RSF1: variants seen among roughly 807,000 people sequenced by gnomAD.
RSF1 encodes the protein HBV pX-associated protein 8.
RSF1 carries 13 observed loss-of-function variants against 145.2 expected under a neutral mutation model. That is an observed-to-expected ratio of 0.09 (90% CI 0.06 to 0.14). The LOEUF is 0.14. Ranked by LOEUF, RSF1 falls within the 10% of genes least tolerant of loss-of-function variation. RSF1 has a pLI of 1.00. For missense variants in RSF1, 1,517 were observed against 1,718.2 expected (o/e 0.88, Z 2.07); for synonymous variants, 577 against 592.6 (o/e 0.97, Z 0.38).
chr11:77,693,687 C>A, intron 7 of RSF1, 76 bp from the exon 8 acceptor site: 1 of 947,056 alleles, frequency 1.1e-6, no homozygotes, highest in Admixed American at 2.0e-5. Flanking sequence ...GTTTCAATAT[C>A]TCTGAGTACT....
At chr11:77,759,675 A>G (rs1439390791) in intron 2 of RSF1, among the ~76,000 whole-genome samples, 23 of 152,188 alleles carry the variant, frequency 1.5e-4, no homozygotes, top group Admixed American at 1.2e-3. Flanking sequence ...CGAAAAAGCA[A>G]GACTCCATCT....
chr11:77,750,589 A>T (rs1948051610), intron 2 of RSF1, among the ~76,000 whole-genome samples: 1 of 152,212 alleles, frequency 6.6e-6, no homozygotes. Context: ...GCCAGAAATT[A>T]GCTGTGTCTA....
rs371060037 is a variant in RSF1 at position 77,698,458 on chromosome 11, A to T, written c.2715+29T>A. ...GCAACCTCACCATGTCTGTAATATGAGTATTCTTCATTTACATCAGGTACA... is the reference window on the plus strand; with the variant it reads ...GCAACCTCACCATGTCTGTAATATGTGTATTCTTCATTTACATCAGGTACA... On this transcript the variant is annotated intron_variant, in intron 7 of 15. Transcript: ENST00000308488. The T allele has an allele frequency of 1.1e-4, 183 of 1,592,204 alleles. No homozygotes were observed. The African/African-American group carries it at 2.4e-3, about 21-fold the overall frequency.
At chr11:77,768,161 C>CTTTTTTT (rs758401653) in intron 1 of RSF1, among the ~76,000 whole-genome samples, 1 of 122,786 alleles carries the variant, frequency 8.1e-6, no homozygotes, top group African/African-American at 3.2e-5. Context: ...ATATTATCAG[C>CTTTTTTT]TTTTTTTTTT....
At chr11:77,682,260 C>T (rs1440815709) in intron 11 of RSF1, among the ~76,000 whole-genome samples, 1 of 152,192 alleles carries the variant, frequency 6.6e-6, no homozygotes, top group East Asian at 1.9e-4. Flanking sequence ...AAGCAAATTC[C>T]TCCATGATTA....
At chr11:77,800,217 C>T (rs902400658) in intron 1 of RSF1, among the ~76,000 whole-genome samples, 5 of 152,000 alleles carry the variant, frequency 3.3e-5, no homozygotes, top group African/African-American at 1.2e-4. Flanking sequence ...TGTGGTAGGG[C>T]GTAGTGGCTC....
At chr11:77,770,984 G>A (rs1409228824) in intron 1 of RSF1, among the ~76,000 whole-genome samples, 2 of 152,106 alleles carry the variant, frequency 1.3e-5, no homozygotes, top group African/African-American at 2.4e-5. Flanking sequence ...TGTAGTACTT[G>A]GGGCAATGGC....
chr11:77,774,489 T>C (rs578192282), intron 1 of RSF1, among the ~76,000 whole-genome samples: 4 of 151,856 alleles, frequency 2.6e-5, no homozygotes, highest in Admixed American at 2.6e-4. Context: ...GGAGAATCAC[T>C]TGAACCCAGG....
rs1959219729 is a variant in RSF1, at chr11:77,660,313, CCT to C, written c.*6602_*6603del. On this transcript the variant is annotated 3_prime_UTR_variant, in exon 16 of 16. Transcript: ENST00000308488. ...AGGTGTTCATACACTGAAGTTAACC[CCT>C]GAAGCTTTAAGCTACCAAGAATTCC... 6.6e-6 allele frequency: 1 copy of C among 152,118 alleles called. No individual in the cohort carries two copies. Among genetic ancestry groups the C allele is most frequent in the Non-Finnish European group, 1.5e-5 (1 of 68,008 alleles). The allele number at this position is 152,118 out of a possible 1,614,324, so 9.4% of individuals were successfully genotyped here.
At chr11:77,698,714 T>A (rs752705576) in intron 6 of RSF1, 21 bp from the exon 7 acceptor site, 8 of 1,587,004 alleles carry the variant, frequency 5.0e-6, no homozygotes, top group Middle Eastern at 1.7e-4. Flanking sequence ...ATAAAAAAAA[T>A]TGGGATAATT....
chr11:77,823,314 G>A (rs1343714678), upstream of RSF1, among the ~76,000 whole-genome samples: 2 of 151,552 alleles, frequency 1.3e-5, no homozygotes, highest in African/African-American at 2.4e-5. Flanking sequence ...TTAATAAGTC[G>A]GAAAATATTG....
At chr11:77,856,274 C>A in the RSF1 span, among the ~76,000 whole-genome samples, 4 of 152,218 alleles carry the variant, frequency 2.6e-5, no homozygotes. Flanking sequence ...AGTTCCTCAT[C>A]TCCGAGACCT....
chr11:77,798,620 A>T (rs1432574486), intron 1 of RSF1, among the ~76,000 whole-genome samples: 1 of 134,118 alleles, frequency 7.5e-6, no homozygotes, highest in East Asian at 2.2e-4. Flanking sequence ...AAAAAAAAAA[A>T]AAGGCACATA....
intron 1 of RSF1, among the ~76,000 whole-genome samples, chr11:77,819,866 G>A (rs982635516): frequency 1.3e-5 from 2 of 152,042 alleles, no homozygotes; most frequent in South Asian, 2.1e-4. Flanking sequence ...CGAGAATGGA[G>A]AAGAACCCCC....
chr11:77,717,612 T>C (rs1343433550), intron 5 of RSF1: 3 of 152,226 alleles, frequency 2.0e-5, no homozygotes, highest in Non-Finnish European at 4.4e-5. Context: ...CTGCAATGTA[T>C]GGAAAAATAC....
At chr11:77,753,719 C>A (rs1379101959) in intron 2 of RSF1, among the ~76,000 whole-genome samples, 1 of 152,218 alleles carries the variant, frequency 6.6e-6, no homozygotes, top group Non-Finnish European at 1.5e-5. Flanking sequence ...AAAGGATTGC[C>A]AGCCATTATT....
the RSF1 span, chr11:77,868,700 T>TG: frequency 3.6e-4 from 67 of 185,516 alleles, no homozygotes; most frequent in Admixed American, 1.1e-3. Flanking sequence ...TTGTTGTTGT[T>TG]TTTTAACACA....
intron 2 of RSF1, among the ~76,000 whole-genome samples, chr11:77,748,898 A>G (rs567966230): frequency 2.8e-4 from 42 of 152,392 alleles, no homozygotes; most frequent in Admixed American, 1.2e-3. Flanking sequence ...AACTGCCAAA[A>G]GGTGGAAGCA....
intron 2 of RSF1, chr11:77,762,502 C>T (rs1178195298): frequency 6.6e-6 from 1 of 152,112 alleles, no homozygotes; most frequent in Non-Finnish European, 1.5e-5. Context: ...ACTGTTAGGC[C>T]TCCACTCACT....
Sources: allele counts gnomAD v4.1 joint callset (sites outside exome capture counted in the v4.1 genomes callset), GRCh38; gene constraint gnomAD v4.1.1; transcripts MANE v1.5; gene names NCBI Gene and HGNC (gene_info 2026-07-23, HGNC 2026-07-21).